Variants in COBL observed in about 807,000 individuals in gnomAD.
The protein encoded by COBL is protein cordon-bleu.
In COBL, 51 loss-of-function variants were observed where a neutral mutation model predicts 98.8. The observed-to-expected ratio is 0.52, with a 90% CI of 0.41 to 0.65. The LOEUF is 0.65. Among genes scored for constraint, COBL ranks in the 30% least tolerant of loss-of-function variants. The pLI, the probability that COBL is intolerant of heterozygous loss-of-function variation, is 0.00. For missense variants in COBL, 1,617 were observed against 1,617.5 expected, an observed-to-expected ratio of 1.00 and a Z score of 0.01; for synonymous variants, 634 against 651.7, an observed-to-expected ratio of 0.97 and a Z score of 0.41.
intron 4 of COBL, among the ~76,000 whole-genome samples, chr7:51,189,306 C>T (rs1229052788): frequency 2.0e-5 from 3 of 152,104 alleles, no homozygotes; most frequent in Non-Finnish European, 2.9e-5. Context: ...AGAGATTCCA[C>T]TATGATCATG....
At chr7:51,185,254 T>C (rs192670967) in intron 4 of COBL, among the ~76,000 whole-genome samples, 1 of 152,314 alleles carries the variant, frequency 6.6e-6, no homozygotes, top group East Asian at 1.9e-4. Context: ...ATGCGAATGC[T>C]TGGGCCCACT....
At chr7:51,258,664 T>C (rs546152245) in intron 1 of COBL, among the ~76,000 whole-genome samples, 275 of 152,330 alleles carry the variant, frequency 1.8e-3, no homozygotes, top group Non-Finnish European at 2.7e-3. Flanking sequence ...TTCTACTGCA[T>C]TGAAAAAAAT....
intron 5 of COBL, among the ~76,000 whole-genome samples, chr7:51,146,805 C>A (rs567949839): frequency 1.3e-5 from 2 of 152,288 alleles, no homozygotes; most frequent in African/African-American, 4.8e-5. Flanking sequence ...CACTTCTTTC[C>A]AACTCAAGAT....
chr7:51,112,213 T>C (rs1796892934), intron 6 of COBL, among the ~76,000 whole-genome samples: 3 of 152,220 alleles, frequency 2.0e-5, no homozygotes, highest in African/African-American at 7.2e-5. Context: ...ATTCTGTACA[T>C]AGAGTAAGTA....
chr7:51,193,687 G>A (rs1381057208), intron 2 of COBL, 98 bp from the exon 3 acceptor site: 5 of 1,012,760 alleles, frequency 4.9e-6, no homozygotes, highest in Non-Finnish European at 7.4e-6. Flanking sequence ...GTGGATGAAT[G>A]AGCAAATTAG....
rs140568976 is a variant in COBL at position 51,311,805 on chromosome 7, G to A, written c.41+4788C>T. The stretch of plus-strand genomic sequence containing the variant: ...CATATTATCAATACATCTCTATGTA[G>A]TAATATAAACCAATAACTACAGTAT... On this transcript the variant is annotated intron_variant, in intron 1 of 12. Transcript: ENST00000265136. Among the ~76,000 whole-genome samples, 149 of 152,066 alleles carry A rather than the reference G, an allele frequency of 9.8e-4. 2 individuals are homozygous for A. The highest frequency in any genetic ancestry group is 3.4e-3 in the African/African-American group (143 of 41,456).
intron 6 of COBL, among the ~76,000 whole-genome samples, chr7:51,107,413 C>T (rs1353179275): frequency 6.6e-6 from 1 of 152,074 alleles, no homozygotes; most frequent in East Asian, 1.9e-4. Context: ...GAGGTTTTAA[C>T]ATGGAGATCT....
chr7:51,261,629 G>C (rs1797727730), intron 1 of COBL, among the ~76,000 whole-genome samples: 2 of 152,172 alleles, frequency 1.3e-5, no homozygotes. Context: ...TGGCTGGCCT[G>C]TGCACCAAGC....
rs539944388 is a variant in COBL at position 51,265,753 on chromosome 7, G to A, written c.42-45809C>T. ...CTCTGCAACCCTCCCTCCCTGCCCC[G>A]GCTCTCAGGCTTCTATGACAGGCTC... is the stretch of plus-strand genomic sequence containing the variant. On this transcript the variant is annotated intron_variant, in intron 1 of 12. Transcript: ENST00000265136. 2.4e-4 allele frequency among the ~76,000 whole-genome samples: 36 copies of A among 152,220 alleles called. 1 individual carries two copies. The highest frequency in any genetic ancestry group is 3.4e-3 in the Middle Eastern group (1 of 294).
intron 6 of COBL, among the ~76,000 whole-genome samples, chr7:51,087,759 C>A (rs1243194005): frequency 6.7e-6 from 1 of 149,556 alleles, no homozygotes; most frequent in Non-Finnish European, 1.5e-5. Flanking sequence ...CAGGTATGAG[C>A]CACTGTGCCC....
At chr7:51,242,414 C>T (rs1203280259) in intron 1 of COBL, among the ~76,000 whole-genome samples, 2 of 152,168 alleles carry the variant, frequency 1.3e-5, no homozygotes, top group East Asian at 3.9e-4. Flanking sequence ...TCTTTCCTTG[C>T]TTTGTTTGTG....
At chr7:51,119,284 G>T (rs1013353446) in intron 6 of COBL, among the ~76,000 whole-genome samples, 1 of 151,994 alleles carries the variant, frequency 6.6e-6, no homozygotes, top group South Asian at 2.1e-4. Flanking sequence ...TATATATGGC[G>T]ACACATTTTC....
intron 1 of COBL, among the ~76,000 whole-genome samples, chr7:51,261,410 G>T (rs1797707460): frequency 6.6e-6 from 1 of 152,206 alleles, no homozygotes. Flanking sequence ...TGTTCCCAGG[G>T]CATAAAATGC....
intron 5 of COBL, among the ~76,000 whole-genome samples, chr7:51,143,063 A>C (rs1261655926): frequency 2.0e-5 from 3 of 152,194 alleles, no homozygotes; most frequent in Admixed American, 6.5e-5. Flanking sequence ...GGGAAGGATA[A>C]GGCAAGAGAA....
intron 1 of COBL, among the ~76,000 whole-genome samples, chr7:51,271,778 C>T (rs1051607959): frequency 6.6e-6 from 1 of 152,170 alleles, no homozygotes; most frequent in Non-Finnish European, 1.5e-5. Flanking sequence ...ACCTGTAATC[C>T]CAACACTTTG....
At chr7:51,248,760 T>A (rs1162415579) in intron 1 of COBL, among the ~76,000 whole-genome samples, 2 of 152,162 alleles carry the variant, frequency 1.3e-5, no homozygotes, top group Admixed American at 6.5e-5. Context: ...AACAAAATTT[T>A]AAAAAATAAA....
Position 51,143,061 on chromosome 7 carries a change from T to C in COBL, c.784-6730A>G, listed in dbSNP as rs186630912. ...GAGGAAGGGCATCAAAGGGGAAGGA[T>C]AAGGCAAGAGAATGTTATGAAAAGT... On this transcript the variant is annotated intron_variant, in intron 5 of 12. Coordinates refer to ENST00000265136, the MANE Select transcript of COBL (RefSeq NM_015198.5). 4.1e-3 allele frequency among the ~76,000 whole-genome samples: 625 copies of C among 152,182 alleles called. 1 individual carries two copies. The highest frequency in any genetic ancestry group is 6.1e-3 in the Non-Finnish European group (417 of 67,994).
intron 5 of COBL, among the ~76,000 whole-genome samples, chr7:51,163,598 G>C (rs185852155): frequency 2.5e-4 from 38 of 152,248 alleles, no homozygotes; most frequent in African/African-American, 8.4e-4. Context: ...AGTCACCCTT[G>C]ATTTTTAAAA....
intron 1 of COBL, among the ~76,000 whole-genome samples, chr7:51,226,801 T>C (rs1302412759): frequency 6.6e-6 from 1 of 152,182 alleles, no homozygotes; most frequent in Non-Finnish European, 1.5e-5. Context: ...AGCCCTCATT[T>C]TCTAAACATG....
Sources: allele counts gnomAD v4.1 joint callset (sites outside exome capture counted in the v4.1 genomes callset), GRCh38; gene constraint gnomAD v4.1.1; transcripts MANE v1.5; gene names NCBI Gene and HGNC (gene_info 2026-07-23, HGNC 2026-07-21).